PAPLN: variants seen among roughly 807,000 people sequenced by gnomAD.
PAPLN encodes papilin, proteoglycan like sulfated glycoprotein, also known as papilin.
A neutral mutation model predicts 159.0 loss-of-function variants in PAPLN; 146 were observed. The observed-to-expected ratio is 0.92, with a 90% confidence interval of 0.80 to 1.05. The LOEUF is 1.05. Among genes scored for constraint, PAPLN ranks in the 50% least tolerant of loss-of-function variants. The pLI, the probability that PAPLN is intolerant of heterozygous loss-of-function variation, is 0.00. For missense variants in PAPLN, 1,720 were observed against 1,743.9 expected, an observed-to-expected ratio of 0.99 and a Z score of 0.24; for synonymous variants, 734 against 702.9, an observed-to-expected ratio of 1.04 and a Z score of -0.70.
Position 73,259,018 on chromosome 14 carries a change from AC to A in PAPLN, c.1671del (p.Trp558GlyfsTer244). ...SMQDVHTPASNPWMPLGPQES... is the reference protein window; with the variant it reads ...SMQDVHTPASXPWMPLGPQES... ...CAGGATGTGCACACCCCTGCCAGCA[AC>A]CCCTGGATGCCGTTGGGCCCTCAGG... On this transcript the variant is annotated frameshift_variant, in exon 15 of 27. Coordinates refer to ENST00000644200, the MANE Select transcript of PAPLN (RefSeq NM_001365906.3). LOFTEE classifies it high-confidence loss of function. The A allele has an allele frequency of 6.2e-7, 1 of 1,612,554 alleles. No homozygotes were observed. Among genetic ancestry groups the A allele is most frequent in the Non-Finnish European group, 8.5e-7 (1 of 1,179,374 alleles).
At chr14:73,255,338 C>A (rs1270264410) in intron 14 of PAPLN, among the ~76,000 whole-genome samples, 1 of 152,176 alleles carries the variant, frequency 6.6e-6, no homozygotes, top group Non-Finnish European at 1.5e-5. Context: ...CTTGTCAGAC[C>A]TACCCACTAT....
At position 73,245,423 on chromosome 14, in the gene PAPLN, G is replaced by A. The variant is rs1884110002; in HGVS notation, c.171-213G>A. The stretch of plus-strand genomic sequence containing the variant: ...GTCCCGCCTTAAATCCAAACTATAG[G>A]GTGGGTAGGGCTCTGAGTCCCGCTT... On this transcript the variant is annotated intron_variant, in intron 3 of 26. Coordinates refer to ENST00000644200, the MANE Select transcript of PAPLN (RefSeq NM_001365906.3). This position sits in a 1 kb window ranked among gnomAD's most constrained non-coding sequence, Gnocchi z 4.2. 1.7e-6 allele frequency: 1 copy of A among 579,684 alleles called. No individual in the cohort carries two copies. Among genetic ancestry groups the A allele is most frequent in the African/African-American group, 1.9e-5 (1 of 53,224 alleles). The allele number at this position is 579,684 out of a possible 1,614,324, so 35.9% of individuals were successfully genotyped here.
rs1008162567 is a variant in PAPLN, at chr14:73,265,014, G to T, written c.3125+288G>T. 3.9e-5 allele frequency among the ~76,000 whole-genome samples: 6 copies of T among 152,194 alleles called. No homozygotes were observed. The highest frequency in any genetic ancestry group is 1.4e-4 in the African/African-American group (6 of 41,414). ...CTTCTTTGAGGAGCGTCTTGAGCTG[G>T]CCTTGAGGAATGGTTCAGTTTACAG... On this transcript the variant is annotated intron_variant, in intron 22 of 26. Transcript: ENST00000644200. The surrounding 1 kb of genome is among the most constrained non-coding windows in gnomAD (Gnocchi z 4.1).
At chr14:73,239,494 GCT>G (rs1280384947) in intron 1 of PAPLN, 2 of 452,684 alleles carry the variant, frequency 4.4e-6, no homozygotes, top group Non-Finnish European at 3.8e-6. Context: ...ATTTTTAATT[GCT>G]CTCTCTTTTT....
Position 73,273,016 on chromosome 14 carries a change from T to C in PAPLN, c.*352T>C, listed in dbSNP as rs1475285658. On this transcript the variant is annotated 3_prime_UTR_variant, in exon 27 of 27. Transcript: ENST00000644200. ...TGTTTTTTGAGACAGAGTTTCACTC[T>C]TGTTGCCCAGGCTGGAGGGCAATGG... The C allele has an allele frequency of 6.0e-6, 1 of 166,118 alleles. No homozygotes were observed. Among genetic ancestry groups the C allele is most frequent in the African/African-American group, 2.4e-5 (1 of 41,996 alleles). The allele number at this position is 166,118 out of a possible 1,614,324, so 10.3% of individuals were successfully genotyped here.
intron 14 of PAPLN, among the ~76,000 whole-genome samples, chr14:73,257,739 C>T (rs1462626938): frequency 3.1e-5 from 4 of 129,628 alleles, no homozygotes; most frequent in Non-Finnish European, 4.9e-5. Context: ...TTTTCATTAT[C>T]TAGTCTCTTT....
Position 73,254,933 on chromosome 14 carries a change from G to C in PAPLN, c.1542G>C (p.Gly514=). The C allele has an allele frequency of 6.2e-7, 1 of 1,613,402 alleles. No individual in the cohort carries two copies. Among genetic ancestry groups the C allele is most frequent in the Non-Finnish European group, 8.5e-7 (1 of 1,179,976 alleles). The change falls in exon 14 of 27, where the codon GGG becomes GGC. Residue 514 remains glycine (G), a synonymous_variant. Transcript: ENST00000644200. The part of the protein sequence containing the change: ...TRRRQVICAI[G]PPSHCGSLQH... Reference sequence around the variant, plus strand: ...GGCGACAGGTCATCTGTGCCATTGGGCCGCCCAGCCACTGCGGGAGCCTGC... The same window carrying C: ...GGCGACAGGTCATCTGTGCCATTGGCCCGCCCAGCCACTGCGGGAGCCTGC...
At chr14:73,257,174 G>A (rs1886008110) in intron 14 of PAPLN, among the ~76,000 whole-genome samples, 1 of 152,112 alleles carries the variant, frequency 6.6e-6, no homozygotes, top group Non-Finnish European at 1.5e-5. Flanking sequence ...CTCTTGTTAT[G>A]TTGTCCAGGC....
chr14:73,259,519 C>T lies in PAPLN; in HGVS notation c.1959C>T (p.Cys653=), dbSNP rs765162112. The T allele has an allele frequency of 6.3e-7, 1 of 1,585,622 alleles. No individual in the cohort carries two copies. The highest frequency in any genetic ancestry group is 2.3e-5 in the East Asian group (1 of 43,882). The change falls in exon 16 of 27, where the codon TGC becomes TGT. Residue 653 remains cysteine, a synonymous_variant. Coordinates refer to ENST00000644200, the MANE Select transcript of PAPLN (RefSeq NM_001365906.3). ...TASLGPQWQG[C]PGAPCQQSRY... ...CTCTCGGGCCTCAGTGGCAAGGCTGCCCTGGGGCCCCCTGTCAGCAGAGCA... is the reference window on the plus strand; with the variant it reads ...CTCTCGGGCCTCAGTGGCAAGGCTGTCCTGGGGCCCCCTGTCAGCAGAGCA...
rs367651388 is a variant in PAPLN at position 73,259,492 on chromosome 14, A to G, written c.1932A>G (p.Ala644=). ...PHGCCPDGHT[A]SLGPQWQGCP... Reference sequence around the variant, plus strand: ...GGTGCTGCCCCGATGGCCACACGGCATCTCTCGGGCCTCAGTGGCAAGGCT... The same window carrying G: ...GGTGCTGCCCCGATGGCCACACGGCGTCTCTCGGGCCTCAGTGGCAAGGCT... The change falls in exon 16 of 27, where the codon GCA becomes GCG. Residue 644 remains alanine (A), a synonymous_variant. Transcript: ENST00000644200. 1.0e-4 allele frequency: 165 copies of G among 1,605,624 alleles called. No homozygotes were observed. The highest frequency in any genetic ancestry group is 1.4e-4 in the Non-Finnish European group (159 of 1,176,396).
In PAPLN at chr14:73,262,735, A is replaced by G. The variant is rs774542551; in HGVS notation, c.2631A>G (p.Glu877=). 23 of 1,512,442 alleles carry G rather than the reference A, an allele frequency of 1.5e-5. No individual in the cohort carries two copies. The highest frequency in any genetic ancestry group is 1.9e-5 in the Non-Finnish European group (22 of 1,134,544). 93.7% of individuals were successfully genotyped at this position (1,512,442 alleles called of 1,614,324 possible). A position where few individuals can be genotyped will look rare whatever the true frequency, so the allele number is the denominator to read the frequency against. The change falls in exon 19 of 27, where the codon GAA becomes GAG. Residue 877 remains glutamate (E), a synonymous_variant. Coordinates refer to ENST00000644200, the MANE Select transcript of PAPLN (RefSeq NM_001365906.3). ...GEAPHTQAFG[E]WPWGQELGSR... ...CCCCCCACACCCAGGCCTTTGGAGAATGGCCATGGGGGCAGGAGCTTGGGT... is the reference window on the plus strand; with the variant it reads ...CCCCCCACACCCAGGCCTTTGGAGAGTGGCCATGGGGGCAGGAGCTTGGGT...
In PAPLN at chr14:73,251,674, T is replaced by C. The variant is rs756219247; in HGVS notation, c.681T>C (p.Asn227=). 2 of 1,613,466 alleles carry C rather than the reference T, an allele frequency of 1.2e-6. No individual in the cohort carries two copies. The highest frequency in any genetic ancestry group is 1.3e-5 in the African/African-American group (1 of 74,992). Residue 227 remains asparagine, a synonymous_variant, in exon 9 of 27, where the codon AAT becomes AAC. Transcript: ENST00000644200. ...GTCTCCTCTGCGCAGCTGTGAAGAA[T>C]GTTCGTGGGGAATACTACCTCAATG... ...AASRNFLAVK[N]VRGEYYLNGH... is the part of the protein sequence containing the mutation.
rs1884110626 is a variant in PAPLN, at chr14:73,245,427, G to T, written c.171-209G>T. 3.4e-6 allele frequency: 2 copies of T among 584,020 alleles called. No homozygotes were observed. Among genetic ancestry groups the T allele is most frequent in the African/African-American group, 3.8e-5 (2 of 53,214 alleles). The allele number at this position is 584,020 out of a possible 1,614,324, so 36.2% of individuals were successfully genotyped here. On this transcript the variant is annotated intron_variant, in intron 3 of 26. Coordinates refer to ENST00000644200, the MANE Select transcript of PAPLN (RefSeq NM_001365906.3). The surrounding 1 kb of genome is among the most constrained non-coding windows in gnomAD (Gnocchi z 4.2). ...CGCCTTAAATCCAAACTATAGGGTGGGTAGGGCTCTGAGTCCCGCTTCTCT... is the reference window on the plus strand; with the variant it reads ...CGCCTTAAATCCAAACTATAGGGTGTGTAGGGCTCTGAGTCCCGCTTCTCT...
chr14:73,254,967 A>C lies in PAPLN; in HGVS notation c.1576A>C (p.Lys526Gln). 6.2e-7 allele frequency: 1 copy of C among 1,613,696 alleles called. No individual in the cohort carries two copies. The highest frequency in any genetic ancestry group is 8.5e-7 in the Non-Finnish European group (1 of 1,179,944). The change falls in exon 14 of 27, where the codon AAG becomes CAG. Residue 526 changes from lysine (K) to glutamine (Q), a missense_variant. Physicochemically the swap from Lys to Gln is moderately conservative, Grantham distance 53. Transcript: ENST00000644200. ...CCACTGCGGGAGCCTGCAGCACTCC[A>C]AGCCTGTGGATGTGGAGCCTTGTAA... ...PSHCGSLQHS[K>Q]PVDVEPCNTQ...
chr14:73,265,564 A>G lies in PAPLN; in HGVS notation c.3263+57A>G, dbSNP rs10145191. ...TCTGCCTCCAGCCCCACCTTATCCT[A>G]TGGAGGCCACCGGGGAAGGGAGCTG... is the stretch of plus-strand genomic sequence containing the variant. On this transcript the variant is annotated intron_variant, in intron 23 of 26. Transcript: ENST00000644200. The surrounding 1 kb of genome is among the most constrained non-coding windows in gnomAD (Gnocchi z 4.1). 28 of 1,584,140 alleles carry G rather than the reference A, an allele frequency of 1.8e-5. No individual in the cohort carries two copies. The East Asian group carries it at 3.8e-4, about 22-fold the overall frequency.
intron 26 of PAPLN, among the ~76,000 whole-genome samples, chr14:73,270,619 C>T (rs986482312): frequency 6.6e-6 from 1 of 152,204 alleles, no homozygotes; most frequent in Admixed American, 6.5e-5. Flanking sequence ...GGCTGTGTGA[C>T]AAAGCAAAAT....
At position 73,259,521 on chromosome 14, in the gene PAPLN, C is replaced by G. The variant is rs1328419399; in HGVS notation, c.1961C>G (p.Pro654Arg). 24 of 1,586,118 alleles carry G rather than the reference C, an allele frequency of 1.5e-5. No homozygotes were observed. The highest frequency in any genetic ancestry group is 2.0e-5 in the Non-Finnish European group (23 of 1,165,704). The change falls in exon 16 of 27, where the codon CCT becomes CGT. Residue 654 changes from proline (P) to arginine (R), a missense_variant. Physicochemically the swap from Pro to Arg is moderately radical, Grantham distance 103. Coordinates refer to ENST00000644200, the MANE Select transcript of PAPLN (RefSeq NM_001365906.3). ...CTCGGGCCTCAGTGGCAAGGCTGCCCTGGGGCCCCCTGTCAGCAGAGCAGG... is the reference window on the plus strand; with the variant it reads ...CTCGGGCCTCAGTGGCAAGGCTGCCGTGGGGCCCCCTGTCAGCAGAGCAGG... ...ASLGPQWQGC[P>R]GAPCQQSRYG...
At position 73,261,314 on chromosome 14, in the gene PAPLN, C is replaced by T; in HGVS notation, c.2245+20C>T. 6.2e-7 allele frequency: 1 copy of T among 1,611,342 alleles called. No homozygotes were observed. Among genetic ancestry groups the T allele is most frequent in the South Asian group, 1.1e-5 (1 of 90,874 alleles). On this transcript the variant is annotated intron_variant, in intron 18 of 26. Coordinates refer to ENST00000644200, the MANE Select transcript of PAPLN (RefSeq NM_001365906.3). ...GCCATGGTGAGTGGACACCCCCTCT[C>T]CTCCTTCTCGATGGGTAGACTCTGC...
chr14:73,241,224 G>A (rs533704667), intron 2 of PAPLN, among the ~76,000 whole-genome samples: 4 of 152,208 alleles, frequency 2.6e-5, no homozygotes, highest in South Asian at 2.1e-4. Flanking sequence ...ATGTCCTCTC[G>A]ACCACCTGCC....
Sources: gnomAD v4.1 joint callset for allele counts (sites outside exome capture counted in the v4.1 genomes callset) on GRCh38, gnomAD v4.1.1 for gene constraint, Gnocchi (gnomAD v3.1) non-coding constraint, MANE v1.5 for transcripts, NCBI Gene and HGNC (gene_info 2026-07-23, HGNC 2026-07-21) for gene names.